The following ADCY5 variants were observed in gnomAD, a reference collection of about 807,000 sequenced individuals.
ADCY5 encodes the protein adenylate cyclase type 5.
ADCY5 carries 30 observed loss-of-function variants against 119.7 expected under a neutral mutation model. The ratio of observed to expected loss-of-function variants is 0.25; its 90% CI spans 0.19 to 0.34. ADCY5 has a LOEUF of 0.34. ADCY5 is among the 10% of genes least tolerant of loss of function. The pLI, the probability that ADCY5 is intolerant of heterozygous loss-of-function variation, is 1.00. For missense variants in ADCY5, 1,324 were observed against 1,775.2 expected, an observed-to-expected ratio of 0.75 and a Z score of 4.57; for synonymous variants, 753 against 762.2, an observed-to-expected ratio of 0.99 and a Z score of 0.20.
intron 1 of ADCY5, among the ~76,000 whole-genome samples, chr3:123,423,329 G>A (rs930081673): frequency 1.3e-5 from 2 of 152,238 alleles, no homozygotes; most frequent in African/African-American, 2.4e-5. Context: ...CGGAGAAGGG[G>A]AAGCGGAGGG....
intron 1 of ADCY5, among the ~76,000 whole-genome samples, chr3:123,429,884 C>G (rs1945488865): frequency 6.6e-6 from 1 of 152,192 alleles, no homozygotes; most frequent in African/African-American, 2.4e-5. Context: ...ACTGTTCCTC[C>G]CCAGCTCACC....
intron 3 of ADCY5, among the ~76,000 whole-genome samples, chr3:123,335,429 C>A (rs1206519047): frequency 6.6e-6 from 1 of 152,170 alleles, no homozygotes; most frequent in Non-Finnish European, 1.5e-5. Context: ...AATATTAACT[C>A]GTTCGCACCT....
At chr3:123,346,507 CCA>C (rs1942558489) in intron 3 of ADCY5, among the ~76,000 whole-genome samples, 1 of 152,062 alleles carries the variant, frequency 6.6e-6, no homozygotes, top group Non-Finnish European at 1.5e-5. Flanking sequence ...CAGTCAGGAT[CCA>C]CAGTCTCGGA....
At chr3:123,328,986 G>C (rs775421701) in intron 5 of ADCY5, among the ~76,000 whole-genome samples, 184 bp from the exon 6 acceptor site, 2 of 152,200 alleles carry the variant, frequency 1.3e-5, no homozygotes, top group Non-Finnish European at 2.9e-5. Context: ...AGGTGCAGTC[G>C]GCTGTGAAAG....
At chr3:123,353,338 C>T (rs1942910273) in intron 1 of ADCY5, among the ~76,000 whole-genome samples, 1 of 152,188 alleles carries the variant, frequency 6.6e-6, no homozygotes, top group African/African-American at 2.4e-5. Context: ...AAATGAAACA[C>T]AATACAACAC....
intron 1 of ADCY5, among the ~76,000 whole-genome samples, chr3:123,423,230 C>A (rs543925584): frequency 3.3e-5 from 5 of 152,180 alleles, no homozygotes; most frequent in Non-Finnish European, 7.4e-5. Flanking sequence ...ACGCTGGGCA[C>A]GAGCCCAAGC....
chr3:123,419,691 C>T (rs1030612918), intron 1 of ADCY5, among the ~76,000 whole-genome samples: 1 of 152,126 alleles, frequency 6.6e-6, no homozygotes, highest in Non-Finnish European at 1.5e-5. Flanking sequence ...CACATTCCAG[C>T]TTCCAATCCT....
chr3:123,417,022 C>T (rs1945199097), intron 1 of ADCY5, among the ~76,000 whole-genome samples: 1 of 152,192 alleles, frequency 6.6e-6, no homozygotes, highest in Admixed American at 6.5e-5. Context: ...TCCTGACTTC[C>T]AGCCTCCAGA....
At chr3:123,300,076 A>G (rs1282934058) in intron 15 of ADCY5, 44 bp downstream of exon 15, 1 of 1,598,546 alleles carries the variant, frequency 6.3e-7, no homozygotes, top group East Asian at 2.2e-5. Context: ...ACCTCCCTGC[A>G]ATGTCTCATG....
intron 14 of ADCY5, 108 bp downstream of exon 14, chr3:123,302,947 T>A (rs142852113): frequency 4.5e-6 from 6 of 1,335,354 alleles, no homozygotes; most frequent in Admixed American, 2.0e-5. Flanking sequence ...TAGAAGACAG[T>A]GAGCTGGTGA....
intron 1 of ADCY5, among the ~76,000 whole-genome samples, chr3:123,417,338 C>T (rs992464357): frequency 7.2e-5 from 11 of 152,248 alleles, no homozygotes; most frequent in Non-Finnish European, 1.3e-4. Flanking sequence ...CTCCTCATTC[C>T]TCTTCCTGGG....
At chr3:123,371,205 C>T (rs867093733) in intron 1 of ADCY5, among the ~76,000 whole-genome samples, 51 of 152,190 alleles carry the variant, frequency 3.4e-4, no homozygotes, top group South Asian at 1.0e-3. Context: ...ATCAAAGCTC[C>T]AAGTTCACAT....
rs201003819 is a variant in ADCY5, at chr3:123,352,477, C to T, written c.1239G>A (p.Glu413=). 6.2e-7 allele frequency: 1 copy of T among 1,613,948 alleles called. No individual in the cohort carries two copies. The highest frequency in any genetic ancestry group is 1.7e-5 in the Admixed American group (1 of 60,018). Residue 413 remains glutamate, a synonymous_variant, in exon 2 of 21, where the codon GAG becomes GAA. Transcript: ENST00000462833. The surrounding 1 kb of genome is among the most constrained non-coding windows in gnomAD (Gnocchi z 4.8). ...GCGAGTGGAGCCGCGCCTGGATGCA[C>T]TCTCGGGTCTCCTGGAAAGCCTGTC... ...SQRQAFQETR[E]CIQARLHSQR...
chr3:123,423,196 T>C (rs1400002459), intron 1 of ADCY5, among the ~76,000 whole-genome samples: 1 of 151,260 alleles, frequency 6.6e-6, no homozygotes, highest in Non-Finnish European at 1.5e-5. Context: ...CACACTCACA[T>C]CCGCCTCCTC....
chr3:123,318,157 T>C (rs1300769193), intron 10 of ADCY5, 40 bp from the exon 11 acceptor site: 1 of 1,526,568 alleles, frequency 6.6e-7, no homozygotes, highest in African/African-American at 1.4e-5. Context: ...CCAAGGTACC[T>C]GGCCCGGTCT....
In ADCY5 at chr3:123,448,370, C is replaced by A; in HGVS notation, c.176G>T (p.Gly59Val). The change falls in exon 1 of 21, where the codon GGG becomes GTG. Residue 59 changes from glycine to valine, a missense_variant. Transcript: ENST00000462833. ...CTGCTGCTGCTGCGGGGTCACCGCCCCCCCGGGTTTCTTGGTGGAGCCGCG... is the reference window on the plus strand; with the variant it reads ...CTGCTGCTGCTGCGGGGTCACCGCCACCCCGGGTTTCTTGGTGGAGCCGCG... ...SARGSTKKPG[G>V]AVTPQQQQRL... The A allele has an allele frequency of 6.7e-7, 1 of 1,487,752 alleles. No homozygotes were observed. Among genetic ancestry groups the A allele is most frequent in the Non-Finnish European group, 8.8e-7 (1 of 1,130,282 alleles). The allele number at this position is 1,487,752 out of a possible 1,614,324, so 92.2% of individuals were successfully genotyped here.
chr3:123,442,318 A>C (rs565353693), intron 1 of ADCY5, among the ~76,000 whole-genome samples: 1 of 152,234 alleles, frequency 6.6e-6, no homozygotes, highest in East Asian at 1.9e-4. Flanking sequence ...CCATCACGGG[A>C]GGCTCCCTCC....
chr3:123,318,272 T>C (rs1941030849), intron 10 of ADCY5, 155 bp from the exon 11 acceptor site: 2 of 598,436 alleles, frequency 3.3e-6, no homozygotes, highest in Non-Finnish European at 6.1e-6. Context: ...GAGTCAAACT[T>C]AGACCCCAGG....
At chr3:123,294,178 G>A (rs1939349226) in intron 17 of ADCY5, among the ~76,000 whole-genome samples, 1 of 152,166 alleles carries the variant, frequency 6.6e-6, no homozygotes, top group African/African-American at 2.4e-5. Context: ...ATCAATGGAG[G>A]AGGAGGGACA....
Sources: gnomAD v4.1 joint callset for allele counts (sites outside exome capture counted in the v4.1 genomes callset) on GRCh38, gnomAD v4.1.1 for gene constraint, Gnocchi (gnomAD v3.1) non-coding constraint, MANE v1.5 for transcripts, NCBI Gene and HGNC (gene_info 2026-07-23, HGNC 2026-07-21) for gene names.